Variants in SHBG observed in about 807,000 individuals in gnomAD.
The protein encoded by SHBG is sex hormone-binding globulin.
In SHBG, 37 loss-of-function variants were observed where a neutral mutation model predicts 41.9. The observed-to-expected ratio is 0.88, with a 90% CI of 0.68 to 1.16. The LOEUF is 1.16. Ranked by LOEUF, SHBG falls within the 50% of genes most tolerant of loss-of-function variation. The pLI is 0.00. For synonymous variants in SHBG, 217 were observed against 205.8 expected, an observed-to-expected ratio of 1.05 and a Z score of -0.47; for missense variants, 466 against 499.9, an observed-to-expected ratio of 0.93 and a Z score of 0.65.
chr17:7,622,873 C>CAAA (rs551320245), intron 1 of SHBG, among the ~76,000 whole-genome samples: 1 of 126,440 alleles, frequency 7.9e-6, no homozygotes, highest in Non-Finnish European at 1.7e-5. Context: ...ACTAAAAATA[C>CAAA]AAAAAAAAAA....
chr17:7,628,918 T>C (rs1226985913), upstream of SHBG, among the ~76,000 whole-genome samples: 1 of 151,762 alleles, frequency 6.6e-6, no homozygotes, highest in Non-Finnish European at 1.5e-5. Flanking sequence ...TAGACAGGTG[T>C]GGTGGCGCAT....
Position 7,633,330 on chromosome 17 carries a change from A to G in SHBG, c.1187A>G (p.Asn396Ser). Reference sequence around the variant, plus strand: ...CACAGCTGCCCCCAGAGCCCAGGCAATGGCACTGACGCTTCCCATTAAAGC... The same window carrying G: ...CACAGCTGCCCCCAGAGCCCAGGCAGTGGCACTGACGCTTCCCATTAAAGC... ...WTHSCPQSPGNGTDASH is the reference protein window; with the variant it reads ...WTHSCPQSPGSGTDASH The change falls in exon 8 of 8, where the codon AAT becomes AGT. Residue 396 changes from asparagine (N) to serine (S), a missense_variant. By Grantham distance (46) the Asn-to-Ser change is conservative. Coordinates refer to ENST00000380450, the MANE Select transcript of SHBG (RefSeq NM_001040.5). 1 of 1,614,168 alleles carries G rather than the reference A, an allele frequency of 6.2e-7. No individual in the cohort carries two copies. The highest frequency in any genetic ancestry group is 1.6e-4 in the Middle Eastern group (1 of 6,062).
intron 1 of SHBG, among the ~76,000 whole-genome samples, chr17:7,618,353 C>T (rs1351390695): frequency 6.6e-6 from 1 of 152,012 alleles, no homozygotes; most frequent in Non-Finnish European, 1.5e-5. Context: ...CTCACTGCAA[C>T]CTCTGCCTCC....
upstream of SHBG, chr17:7,627,425 G>A (rs1239616477): frequency 1.9e-6 from 3 of 1,613,894 alleles, no homozygotes; most frequent in Non-Finnish European, 2.5e-6. This position sits in a 1 kb window ranked among gnomAD's most constrained non-coding sequence, Gnocchi z 4.8. Flanking sequence ...CTAAGGCGTG[G>A]GTACGGAAGC....
chr17:7,616,127 T>G (rs1361717636), intron 1 of SHBG, among the ~76,000 whole-genome samples: 7 of 149,796 alleles, frequency 4.7e-5, no homozygotes, highest in Non-Finnish European at 1.0e-4. Context: ...GCCAACATGG[T>G]GAAACCTCGT....
Position 7,631,230 on chromosome 17 carries a change from C to A in SHBG, c.424C>A (p.Leu142Met). 6.3e-7 allele frequency: 1 copy of A among 1,592,516 alleles called. No individual in the cohort carries two copies. The stretch of plus-strand genomic sequence containing the variant: ...AGTCAAGATGGAGGGGGACTCTGTG[C>A]TGCTGGAGGTGGATGGGGAGGAGGT... ...VEVKMEGDSV[L>M]LEVDGEEVLR... Residue 142 changes from leucine (L) to methionine (M), a missense_variant, in exon 4 of 8, where the codon CTG (leucine) becomes ATG (methionine). Coordinates refer to ENST00000380450, the MANE Select transcript of SHBG (RefSeq NM_001040.5).
chr17:7,616,654 G>T (rs1313093075), intron 1 of SHBG, among the ~76,000 whole-genome samples: 3 of 142,126 alleles, frequency 2.1e-5, no homozygotes, highest in Non-Finnish European at 4.6e-5. Flanking sequence ...AATAATAATA[G>T]TGGCCCGGCG....
chr17:7,626,685 C>T (rs569439008), upstream of SHBG: 286 of 1,612,496 alleles, frequency 1.8e-4, no homozygotes, highest in South Asian at 4.5e-4. Context: ...CCTCTTTCAA[C>T]CCGGGTCCCC....
At chr17:7,628,984 A>G (rs1427483111), upstream of SHBG, among the ~76,000 whole-genome samples, 1 of 151,924 alleles carries the variant, frequency 6.6e-6, no homozygotes, top group Non-Finnish European at 1.5e-5. Context: ...TGAACCTGGG[A>G]GGTGGAGGTT....
upstream of SHBG, among the ~76,000 whole-genome samples, chr17:7,629,425 G>A (rs1323452942): frequency 1.4e-5 from 2 of 146,320 alleles, no homozygotes; most frequent in Admixed American, 6.8e-5. Flanking sequence ...ATGGGTCAGG[G>A]AGTGGGTGAT....
upstream of SHBG, chr17:7,626,450 C>G (rs769709663): frequency 1.5e-5 from 25 of 1,613,858 alleles, no homozygotes; most frequent in Non-Finnish European, 1.9e-5. Flanking sequence ...GATGGCGTCA[C>G]TTTCCTGCCA....
At chr17:7,614,561 G>A in intron 1 of SHBG, 1 of 1,405,966 alleles carries the variant, frequency 7.1e-7, no homozygotes, top group Non-Finnish European at 9.3e-7. Context: ...GACTCCCCCG[G>A]CGGCGGCTGC....
chr17:7,631,455 G>A, intron 4 of SHBG, 94 bp downstream of exon 4: 1 of 1,568,594 alleles, frequency 6.4e-7, no homozygotes, highest in Non-Finnish European at 8.7e-7. Context: ...CTTTTAGGGA[G>A]AAGGGAAGGG....
chr17:7,629,981 T>G, upstream of SHBG: 1 of 655,678 alleles, frequency 1.5e-6, no homozygotes, highest in Non-Finnish European at 2.8e-6. Context: ...TTCACCCCAT[T>G]GATCCCCAGA....
chr17:7,630,699 G>T lies in SHBG; in HGVS notation c.223G>T (p.Val75Phe). ...TTCCAGAACCTCCTCCTCCTTTGAG[G>T]TTCGAACCTGGGACCCAGAGGGAGT... is the stretch of plus-strand genomic sequence containing the variant. ...KITKTSSSFEVRTWDPEGVIF... is the reference protein window; with the variant it reads ...KITKTSSSFEFRTWDPEGVIF... Residue 75 changes from valine to phenylalanine, a missense_variant, in exon 3 of 8, where the codon GTT (valine) becomes TTT (phenylalanine). Coordinates refer to ENST00000380450, the MANE Select transcript of SHBG (RefSeq NM_001040.5). The surrounding 1 kb of genome is among the most constrained non-coding windows in gnomAD (Gnocchi z 4.6). The T allele has an allele frequency of 1.9e-6, 3 of 1,614,028 alleles. No homozygotes were observed. The highest frequency in any genetic ancestry group is 2.5e-6 in the Non-Finnish European group (3 of 1,179,990).
At chr17:7,620,664 CTT>C (rs879495544) in intron 1 of SHBG, among the ~76,000 whole-genome samples, 7 of 151,136 alleles carry the variant, frequency 4.6e-5, no homozygotes, top group Non-Finnish European at 8.8e-5. Context: ...GAGTTTTGCT[CTT>C]GTTACCCAGG....
At chr17:7,618,722 CAT>C (rs2072036842) in intron 1 of SHBG, among the ~76,000 whole-genome samples, 1 of 152,044 alleles carries the variant, frequency 6.6e-6, no homozygotes, top group Non-Finnish European at 1.5e-5. Flanking sequence ...GAAGAGTAAA[CAT>C]AGAAAGAGGA....
At chr17:7,626,436 T>G (rs2072207809), upstream of SHBG, 1 of 1,613,566 alleles carries the variant, frequency 6.2e-7, no homozygotes, top group Admixed American at 1.7e-5. Context: ...GAGATCCTCC[T>G]AGGGATGGCG....
At chr17:7,629,160 G>T (rs2072318355), upstream of SHBG, among the ~76,000 whole-genome samples, 1 of 151,958 alleles carries the variant, frequency 6.6e-6, no homozygotes, top group Non-Finnish European at 1.5e-5. Flanking sequence ...ATCATTTCAG[G>T]TCAGAGGTTC....
Sources: gnomAD v4.1 joint callset for allele counts (sites outside exome capture counted in the v4.1 genomes callset) on GRCh38, gnomAD v4.1.1 for gene constraint, Gnocchi (gnomAD v3.1) non-coding constraint, MANE v1.5 for transcripts, NCBI Gene and HGNC (gene_info 2026-07-23, HGNC 2026-07-21) for gene names.